The following SHISA6 variants were observed in gnomAD, a reference collection of about 807,000 sequenced individuals.
SHISA6 encodes shisa family member 6.
Under a neutral mutation model 47.9 loss-of-function variants are expected in SHISA6, and 22 were observed. The observed-to-expected ratio is 0.46, with a 90% CI of 0.33 to 0.66. The LOEUF (loss-of-function observed/expected upper bound fraction) is 0.66, where lower values mean the gene tolerates loss of function less well. SHISA6 is among the 30% of genes least tolerant of loss of function. The probability of loss-of-function intolerance (pLI) is 0.02; values close to 1 mark genes in which losing one functional copy is unlikely to be tolerated. For synonymous variants in SHISA6, 388 were observed against 337.8 expected (o/e 1.15, Z -1.63); for missense variants, 680 against 764.6 (o/e 0.89, Z 1.30).
intron 1 of SHISA6, among the ~76,000 whole-genome samples, chr17:11,257,898 A>G (rs572211505): frequency 2.6e-5 from 4 of 152,208 alleles, no homozygotes; most frequent in Non-Finnish European, 5.9e-5. Flanking sequence ...TTATATGAAC[A>G]GTTCCATTTC....
chr17:11,241,281 C>A lies in SHISA6; in HGVS notation c.-142C>A. 1 of 365,162 alleles carries A rather than the reference C, an allele frequency of 2.7e-6. No individual in the cohort carries two copies. Among genetic ancestry groups the A allele is most frequent in the Non-Finnish European group, 3.8e-6 (1 of 265,110 alleles). 22.6% of individuals were successfully genotyped at this position (365,162 alleles called of 1,614,324 possible). A position where few individuals can be genotyped will look rare whatever the true frequency, so the allele number is the denominator to read the frequency against. ...GCGCCGCCGCCGCCACTGCCGCCCGCGCCTCGATGGCGCCATCGCCCCGGA... is the reference window on the plus strand; with the variant it reads ...GCGCCGCCGCCGCCACTGCCGCCCGAGCCTCGATGGCGCCATCGCCCCGGA... On this transcript the variant is annotated 5_prime_UTR_variant, in exon 1 of 6. Coordinates refer to ENST00000441885, the MANE Select transcript of SHISA6 (RefSeq NM_207386.4). This position sits in a 1 kb window ranked among gnomAD's most constrained non-coding sequence, Gnocchi z 5.5.
At chr17:11,555,634 G>C (rs1283845287) in intron 4 of SHISA6, 106 bp from the exon 5 acceptor site, 26 of 1,287,070 alleles carry the variant, frequency 2.0e-5, no homozygotes, top group Non-Finnish European at 2.7e-5. Context: ...CAAGCACAGA[G>C]GTCCAGGAAA....
At chr17:11,356,016 G>A (rs1912067240) in intron 2 of SHISA6, among the ~76,000 whole-genome samples, 1 of 152,204 alleles carries the variant, frequency 6.6e-6, no homozygotes, top group African/African-American at 2.4e-5. Flanking sequence ...CAGAAAGAAT[G>A]GTCCAAATCT....
chr17:11,347,493 A>C (rs569891845), intron 2 of SHISA6, among the ~76,000 whole-genome samples: 59 of 152,330 alleles, frequency 3.9e-4, no homozygotes, highest in African/African-American at 1.4e-3. Context: ...AGAACCTATA[A>C]TACATATTTC....
chr17:11,301,677 C>T (rs955207839), intron 2 of SHISA6, among the ~76,000 whole-genome samples: 1 of 152,176 alleles, frequency 6.6e-6, no homozygotes, highest in Non-Finnish European at 1.5e-5. Context: ...TTCCTATGAA[C>T]GTTCCTGCAA....
chr17:11,368,094 G>A (rs1005021830), intron 2 of SHISA6, among the ~76,000 whole-genome samples: 3 of 152,048 alleles, frequency 2.0e-5, no homozygotes, highest in African/African-American at 7.2e-5. Context: ...CCCACAAGAC[G>A]CTCTATACAC....
intron 2 of SHISA6, among the ~76,000 whole-genome samples, chr17:11,357,261 T>TG (rs1266685831): frequency 1.3e-5 from 2 of 151,096 alleles, no homozygotes; most frequent in Non-Finnish European, 2.9e-5. Flanking sequence ...CAGAGGCCTG[T>TG]GGTGGTAAGA....
intron 2 of SHISA6, among the ~76,000 whole-genome samples, chr17:11,268,039 A>G (rs984544740): frequency 1.3e-4 from 20 of 152,044 alleles, no homozygotes; most frequent in African/African-American, 4.1e-4. Flanking sequence ...CCTCCTAAAG[A>G]GCCTGTCCTG....
chr17:11,422,720 G>A (rs898664488), intron 3 of SHISA6, among the ~76,000 whole-genome samples: 14 of 149,688 alleles, frequency 9.4e-5, no homozygotes, highest in African/African-American at 9.9e-5. Flanking sequence ...CCAAGATCCC[G>A]CCACTGCACT....
intron 3 of SHISA6, among the ~76,000 whole-genome samples, chr17:11,491,655 G>C (rs1034452773): frequency 1.3e-5 from 2 of 151,990 alleles, no homozygotes; most frequent in Non-Finnish European, 2.9e-5. Context: ...AGGAGTAATG[G>C]ACAAAAGGCC....
chr17:11,496,031 A>ATCCT (rs2071406144), intron 3 of SHISA6, among the ~76,000 whole-genome samples: 1 of 151,544 alleles, frequency 6.6e-6, no homozygotes, highest in Non-Finnish European at 1.5e-5. Flanking sequence ...CCATCCATCC[A>ATCCT]TCACACAACA....
At chr17:11,501,033 A>G (rs2071448070) in intron 3 of SHISA6, among the ~76,000 whole-genome samples, 1 of 152,216 alleles carries the variant, frequency 6.6e-6, no homozygotes, top group Non-Finnish European at 1.5e-5. Flanking sequence ...ATGAATACAT[A>G]GCCTGTAAGT....
chr17:11,387,536 C>A (rs1007565366), intron 3 of SHISA6, among the ~76,000 whole-genome samples: 1 of 152,032 alleles, frequency 6.6e-6, no homozygotes, highest in Non-Finnish European at 1.5e-5. Flanking sequence ...TGAAGCCAGG[C>A]CTGGCTTATA....
At chr17:11,533,195 G>C (rs1249029804) in intron 3 of SHISA6, among the ~76,000 whole-genome samples, 1 of 152,120 alleles carries the variant, frequency 6.6e-6, no homozygotes, top group Non-Finnish European at 1.5e-5. Flanking sequence ...AACACCATAA[G>C]TTATGGAGAC....
At chr17:11,481,789 C>T (rs1441437509) in intron 3 of SHISA6, among the ~76,000 whole-genome samples, 1 of 151,876 alleles carries the variant, frequency 6.6e-6, no homozygotes, top group Non-Finnish European at 1.5e-5. Context: ...CCACGCCTGG[C>T]CCCTGAAGAT....
intron 1 of SHISA6, among the ~76,000 whole-genome samples, chr17:11,242,850 C>T (rs1907423358): frequency 6.6e-6 from 1 of 152,138 alleles, no homozygotes; most frequent in Admixed American, 6.5e-5. Flanking sequence ...CTGAATGCTG[C>T]CCCGACGCAC....
rs529872936 is a variant in SHISA6 at position 11,524,020 on chromosome 17, AAAAAGAAAGAAAAG to A, written c.896-27863_896-27850del. Reference sequence around the variant, plus strand: ...GAAACTCGGTCTCAAAGAAAAAAGAAAAAAGAAAGAAAAGAAAAGAAAGAAAGAAAAAGAAGAAA... The same window carrying A: ...GAAACTCGGTCTCAAAGAAAAAAGAAAAAAGAAAGAAAGAAAAAGAAGAAA... On this transcript the variant is annotated intron_variant, in intron 3 of 5. Transcript: ENST00000441885. Among the ~76,000 whole-genome samples, 140 of 152,208 alleles carry A rather than the reference AAAAAGAAAGAAAAG, an allele frequency of 9.2e-4. 1 individual carries two copies. In the South Asian group the frequency reaches 0.027, roughly 30 times the overall value.
At chr17:11,433,981 C>T (rs1398831606) in intron 3 of SHISA6, among the ~76,000 whole-genome samples, 1 of 151,908 alleles carries the variant, frequency 6.6e-6, no homozygotes, top group Non-Finnish European at 1.5e-5. Flanking sequence ...AGAATCAGTG[C>T]ACATTGCCCG....
intron 3 of SHISA6, among the ~76,000 whole-genome samples, chr17:11,538,345 G>T (rs1219441731): frequency 6.6e-6 from 1 of 152,174 alleles, no homozygotes; most frequent in Non-Finnish European, 1.5e-5. Context: ...ACAGGTGTGA[G>T]CCACCACATC....
Sources: gnomAD v4.1 joint callset for allele counts (sites outside exome capture counted in the v4.1 genomes callset) on GRCh38, gnomAD v4.1.1 for gene constraint, Gnocchi (gnomAD v3.1) non-coding constraint, MANE v1.5 for transcripts, NCBI Gene and HGNC (gene_info 2026-07-23, HGNC 2026-07-21) for gene names.